WWOX: variants seen among roughly 807,000 people sequenced by gnomAD.
WWOX encodes WW domain-containing oxidoreductase.
In WWOX, 69 loss-of-function variants were observed where a neutral mutation model predicts 46.2. That is an observed-to-expected ratio of 1.49 (90% confidence interval 1.23 to 1.82). WWOX has a LOEUF of 1.82. Ranked by LOEUF, WWOX falls within the 40% of genes most tolerant of loss-of-function variation. The pLI is 0.00. For missense variants in WWOX, 919 were observed against 542.6 expected (o/e 1.69, Z -6.89); for synonymous variants, 359 against 202.6 (o/e 1.77, Z -6.56).
At chr16:78,785,638 T>C (rs2050437123) in intron 8 of WWOX, among the ~76,000 whole-genome samples, 1 of 152,242 alleles carries the variant, frequency 6.6e-6, no homozygotes, top group African/African-American at 2.4e-5. Flanking sequence ...TGATTTTTGC[T>C]GCGCTATTAT....
At chr16:78,970,719 C>G (rs1392095640) in intron 8 of WWOX, among the ~76,000 whole-genome samples, 2 of 152,090 alleles carry the variant, frequency 1.3e-5, no homozygotes, top group African/African-American at 2.4e-5. Context: ...ATGTGTAGAA[C>G]TTTCACAGAA....
chr16:78,967,390 C>T (rs923442913), intron 8 of WWOX, among the ~76,000 whole-genome samples: 1 of 144,572 alleles, frequency 6.9e-6, no homozygotes, highest in Non-Finnish European at 1.5e-5. Context: ...CTCAAGCTTT[C>T]CACCCACCTC....
intron 8 of WWOX, among the ~76,000 whole-genome samples, chr16:78,529,425 G>A (rs373496987): frequency 4.6e-5 from 7 of 151,872 alleles, no homozygotes; most frequent in African/African-American, 1.2e-4. Context: ...TCTTTCTGTC[G>A]GGTCCCGTGG....
At chr16:78,595,402 C>T (rs2045464635) in intron 8 of WWOX, among the ~76,000 whole-genome samples, 2 of 152,256 alleles carry the variant, frequency 1.3e-5, no homozygotes, top group South Asian at 4.1e-4. Flanking sequence ...AAGACTCCTG[C>T]CTCCCTGCAG....
chr16:78,760,845 C>G (rs1439965852), intron 8 of WWOX, among the ~76,000 whole-genome samples: 3 of 152,190 alleles, frequency 2.0e-5, no homozygotes, highest in African/African-American at 7.2e-5. Flanking sequence ...GTTTAATGAA[C>G]TCACATTTCC....
At chr16:78,533,806 C>G (rs990163462) in intron 8 of WWOX, among the ~76,000 whole-genome samples, 2 of 152,138 alleles carry the variant, frequency 1.3e-5, no homozygotes, top group South Asian at 4.1e-4. Context: ...CCTCAGAACT[C>G]GCTGGTTCTC....
chr16:78,689,702 C>G (rs1433577979), intron 8 of WWOX, among the ~76,000 whole-genome samples: 7 of 152,202 alleles, frequency 4.6e-5, no homozygotes, highest in Non-Finnish European at 1.0e-4. Flanking sequence ...CCCTGCTACT[C>G]TGTTCCTTGA....
chr16:78,543,169 C>T (rs968626696), intron 8 of WWOX, among the ~76,000 whole-genome samples: 1 of 152,212 alleles, frequency 6.6e-6, no homozygotes, highest in Admixed American at 6.5e-5. Context: ...TCTGTGATCT[C>T]ACAGCTGCTA....
chr16:78,752,508 T>C (rs1440927609), intron 8 of WWOX, among the ~76,000 whole-genome samples: 1 of 152,178 alleles, frequency 6.6e-6, no homozygotes, highest in African/African-American at 2.4e-5. Flanking sequence ...GGCTAGTTTC[T>C]AACTCCTGAC....
chr16:78,279,969 G>C (rs1050204794), intron 5 of WWOX, among the ~76,000 whole-genome samples: 3 of 152,188 alleles, frequency 2.0e-5, no homozygotes, highest in African/African-American at 7.2e-5. Context: ...AACCACAGAT[G>C]AATCAAATGA....
At chr16:79,203,439 A>C (rs2051406185) in intron 8 of WWOX, 1 of 151,678 alleles carries the variant, frequency 6.6e-6, no homozygotes, top group African/African-American at 2.4e-5. Context: ...TTGTTTCTGG[A>C]AGGCAGAGTT....
chr16:79,037,603 C>A (rs975920086), intron 8 of WWOX, among the ~76,000 whole-genome samples: 1 of 152,112 alleles, frequency 6.6e-6, no homozygotes, highest in African/African-American at 2.4e-5. Context: ...CTGCTACCTC[C>A]CAGAAGCTGA....
intron 8 of WWOX, among the ~76,000 whole-genome samples, chr16:78,860,873 G>C (rs964290412): frequency 2.0e-5 from 3 of 152,284 alleles, no homozygotes; most frequent in South Asian, 4.1e-4. Flanking sequence ...GTCTCACTCT[G>C]TCACCCAGGC....
chr16:79,024,142 T>C (rs2047590334), intron 8 of WWOX, among the ~76,000 whole-genome samples: 2 of 152,168 alleles, frequency 1.3e-5, no homozygotes, highest in Admixed American at 1.3e-4. Flanking sequence ...TCAAGGTTTC[T>C]TTTGGGGTTG....
At chr16:78,915,281 C>G (rs1025764802) in intron 8 of WWOX, among the ~76,000 whole-genome samples, 3 of 152,206 alleles carry the variant, frequency 2.0e-5, no homozygotes, top group Non-Finnish European at 4.4e-5. Context: ...AACAGAGAAT[C>G]TGGTCACCTG....
At chr16:78,920,578 C>G (rs1048518143) in intron 8 of WWOX, among the ~76,000 whole-genome samples, 2 of 152,162 alleles carry the variant, frequency 1.3e-5, no homozygotes, top group Admixed American at 6.5e-5. Context: ...TAAATGTCAG[C>G]TTTGAGTGAA....
chr16:79,031,945 T>C, intron 8 of WWOX, among the ~76,000 whole-genome samples: 1 of 142,518 alleles, frequency 7.0e-6, no homozygotes, highest in African/African-American at 2.5e-5. Flanking sequence ...TATACAGATA[T>C]CTGTATATAT....
At chr16:78,983,950 T>C (rs2046734345) in intron 8 of WWOX, among the ~76,000 whole-genome samples, 1 of 136,062 alleles carries the variant, frequency 7.3e-6, no homozygotes, top group African/African-American at 2.7e-5. Flanking sequence ...CAGTCTCAGC[T>C]GACTGCAAGC....
chr16:79,208,940 T>G (rs1014867744), intron 8 of WWOX, among the ~76,000 whole-genome samples: 1 of 152,202 alleles, frequency 6.6e-6, no homozygotes, highest in African/African-American at 2.4e-5. Flanking sequence ...TGAGTACCCA[T>G]GAGCACCAAG....
Sources: allele counts gnomAD v4.1 joint callset (sites outside exome capture counted in the v4.1 genomes callset), GRCh38; gene constraint gnomAD v4.1.1; transcripts MANE v1.5; gene names NCBI Gene and HGNC (gene_info 2026-07-23, HGNC 2026-07-21).